GFOD1: variants seen among roughly 807,000 people sequenced by gnomAD.
GFOD1 encodes Gfo/Idh/MocA-like oxidoreductase domain containing 1.
Under a neutral mutation model 25.4 loss-of-function variants are expected in GFOD1, and 9 were observed. The observed-to-expected ratio is 0.35, with a 90% CI of 0.21 to 0.62. The LOEUF is 0.62. Among genes scored for constraint, GFOD1 ranks in the 20% least tolerant of loss-of-function variants. The pLI is 0.72. For synonymous variants in GFOD1, 253 were observed against 245.6 expected (o/e 1.03, Z -0.28); for missense variants, 403 against 556.9 (o/e 0.72, Z 2.78).
rs60918865 is a variant in GFOD1, at chr6:13,373,916, G to A, written c.254-8254C>T. Among the ~76,000 whole-genome samples the A allele has an allele frequency of 9.6e-3, 1,463 of 151,924 alleles. 27 individuals carry two copies. Among genetic ancestry groups the A allele is most frequent in the African/African-American group, 0.034 (1,388 of 41,428 alleles). On this transcript the variant is annotated intron_variant, in intron 1 of 1. Coordinates refer to ENST00000379287, the MANE Select transcript of GFOD1 (RefSeq NM_018988.4). ...GGCCATTTGAAGAGACTAAATCCCC[G>A]ATTTTCAATCCCCATGAAAGTTCTT...
chr6:13,405,151 T>A (rs1392445779), intron 1 of GFOD1, among the ~76,000 whole-genome samples: 1 of 152,228 alleles, frequency 6.6e-6, no homozygotes, highest in African/African-American at 2.4e-5. Flanking sequence ...TCTTTTGAAG[T>A]CTTCTCAAGC....
intron 1 of GFOD1, among the ~76,000 whole-genome samples, chr6:13,442,053 A>G (rs1249038516): frequency 6.6e-6 from 1 of 152,190 alleles, no homozygotes; most frequent in Admixed American, 6.5e-5. Context: ...ATGTAGGAGG[A>G]AACTAGAGCA....
chr6:13,385,324 C>CT (rs1473145805), intron 1 of GFOD1, among the ~76,000 whole-genome samples: 1 of 152,190 alleles, frequency 6.6e-6, no homozygotes, highest in Non-Finnish European at 1.5e-5. Context: ...TCCTACTAAA[C>CT]TGCAAGATGA....
At chr6:13,367,062 C>T (rs1785062316) in intron 1 of GFOD1, among the ~76,000 whole-genome samples, 1 of 143,862 alleles carries the variant, frequency 7.0e-6, no homozygotes, top group Non-Finnish European at 1.5e-5. Context: ...TATATTGTTA[C>T]AGTTATCATA....
Position 13,390,780 on chromosome 6 carries a change from A to AAAGGAAGGAAGGAAGGAAGGAAGGAAGG in GFOD1, c.254-25146_254-25119dup, listed in dbSNP as rs58707530. 1.8e-3 allele frequency among the ~76,000 whole-genome samples: 207 copies of AAAGGAAGGAAGGAAGGAAGGAAGGAAGG among 117,908 alleles called. 1 individual carries two copies. The highest frequency in any genetic ancestry group is 8.8e-3 in the Middle Eastern group (2 of 226). 77.4% of individuals were successfully genotyped at this position (117,908 alleles called of 152,430 possible). A position where few individuals can be genotyped will look rare whatever the true frequency, so the allele number is the denominator to read the frequency against. ...GAGAGAAAGAGAGAGAGAGAGAGAGAAAGGAAGGAAGGAAGGAAGGAAGGA... is the reference window on the plus strand; with the variant it reads ...GAGAGAAAGAGAGAGAGAGAGAGAGAAAGGAAGGAAGGAAGGAAGGAAGGAAGGAAGGAAGGAAGGAAGGAAGGAAGGA... On this transcript the variant is annotated intron_variant, in intron 1 of 1. Transcript: ENST00000379287.
chr6:13,470,028 A>C, intron 1 of GFOD1: 1 of 1,365,608 alleles, frequency 7.3e-7, no homozygotes, highest in Non-Finnish European at 9.8e-7. Context: ...ACTCCCCATG[A>C]CTGAGAATAT....
At position 13,448,878 on chromosome 6, in the gene GFOD1, C is replaced by G. The variant is rs560117358; in HGVS notation, c.253+37760G>C. Reference sequence around the variant, plus strand: ...CTAGCCCTAGCTCTGGAGACAGAACCAAAAGTCTCTAAAACAGGGGCTAAT... The same window carrying G: ...CTAGCCCTAGCTCTGGAGACAGAACGAAAAGTCTCTAAAACAGGGGCTAAT... On this transcript the variant is annotated intron_variant, in intron 1 of 1. Transcript: ENST00000379287. Among the ~76,000 whole-genome samples the G allele has an allele frequency of 2.0e-5, 3 of 152,288 alleles. No homozygotes were observed. In the East Asian group the frequency reaches 5.8e-4, roughly 29 times the overall value.
At chr6:13,397,948 C>G (rs994235712) in intron 1 of GFOD1, among the ~76,000 whole-genome samples, 1 of 152,240 alleles carries the variant, frequency 6.6e-6, no homozygotes, top group African/African-American at 2.4e-5. Context: ...GATACTCCCT[C>G]TATCTTCCAA....
At chr6:13,390,222 C>G (rs954842321) in intron 1 of GFOD1, among the ~76,000 whole-genome samples, 2 of 152,232 alleles carry the variant, frequency 1.3e-5, no homozygotes, top group African/African-American at 4.8e-5. Context: ...GTCCCAACTA[C>G]TTGTAAACTC....
chr6:13,470,713 G>C (rs1186927835), intron 1 of GFOD1: 12 of 1,434,130 alleles, frequency 8.4e-6, no homozygotes, highest in Non-Finnish European at 1.1e-5. Context: ...ATTCATGTGG[G>C]AGATAAGAAG....
At chr6:13,405,424 C>T (rs1935513312) in intron 1 of GFOD1, among the ~76,000 whole-genome samples, 1 of 152,208 alleles carries the variant, frequency 6.6e-6, no homozygotes, top group Non-Finnish European at 1.5e-5. Flanking sequence ...ATAAACATTT[C>T]TCTTTCAAAC....
chr6:13,460,496 A>T (rs1758272846), intron 1 of GFOD1, among the ~76,000 whole-genome samples: 1 of 152,210 alleles, frequency 6.6e-6, no homozygotes, highest in African/African-American at 2.4e-5. Context: ...AAGGATCAAG[A>T]TCATGTCCTT....
chr6:13,484,161 A>G (rs1353341079), intron 1 of GFOD1, among the ~76,000 whole-genome samples: 1 of 152,040 alleles, frequency 6.6e-6, no homozygotes, highest in African/African-American at 2.4e-5. Context: ...GGTCCCTACA[A>G]AGTAGGGTCC....
intron 1 of GFOD1, among the ~76,000 whole-genome samples, chr6:13,376,149 C>T (rs554104638): frequency 8.5e-5 from 13 of 152,168 alleles, no homozygotes; most frequent in South Asian, 2.1e-4. Context: ...CTGGGGCAGT[C>T]CTCCCCTTCA....
chr6:13,409,169 AAGAGAGAGAGAG>A (rs201663825), intron 1 of GFOD1, among the ~76,000 whole-genome samples: 5 of 53,266 alleles, frequency 9.4e-5, no homozygotes, highest in African/African-American at 2.3e-4. Context: ...AAAGAAAGGA[AAGAGAGAGAGAG>A]AGAGAAAGAA....
intron 1 of GFOD1, chr6:13,486,261 A>T: frequency 9.7e-6 from 1 of 103,108 alleles, no homozygotes; most frequent in Non-Finnish European, 1.2e-5. Context: ...CCCCCCCCAC[A>T]CACACACACT....
intron 1 of GFOD1, among the ~76,000 whole-genome samples, chr6:13,419,717 C>T (rs1031444005): frequency 2.0e-5 from 3 of 152,204 alleles, no homozygotes; most frequent in African/African-American, 7.2e-5. Context: ...TCCAGCTCAC[C>T]ACCTCCTCAC....
At chr6:13,470,313 T>TC in intron 1 of GFOD1, 1 of 1,581,754 alleles carries the variant, frequency 6.3e-7, no homozygotes. Flanking sequence ...CCCGCTGCAT[T>TC]CAGGCAAGAA....
intron 1 of GFOD1, among the ~76,000 whole-genome samples, chr6:13,391,778 T>C (rs1181650766): frequency 6.6e-6 from 1 of 152,214 alleles, no homozygotes; most frequent in African/African-American, 2.4e-5. Context: ...TAAATGGGGA[T>C]ATAAGGGTAT....
Sources: allele counts gnomAD v4.1 joint callset (sites outside exome capture counted in the v4.1 genomes callset), GRCh38; gene constraint gnomAD v4.1.1; transcripts MANE v1.5; gene names NCBI Gene and HGNC (gene_info 2026-07-23, HGNC 2026-07-21).